The following WRN variants were observed in gnomAD, a reference collection of about 807,000 sequenced individuals.
WRN encodes the protein WRN RecQ like helicase.
In WRN, 149 loss-of-function variants were observed where a neutral mutation model predicts 180.7. The observed-to-expected ratio is 0.82, with a 90% CI of 0.72 to 0.94. The LOEUF is 0.94. Among genes scored for constraint, WRN ranks in the 40% least tolerant of loss-of-function variants. The pLI, the probability that WRN is intolerant of heterozygous loss-of-function variation, is 0.00. For missense variants in WRN, 1,661 were observed against 1,700.1 expected (o/e 0.98, Z 0.40); for synonymous variants, 548 against 568.9 (o/e 0.96, Z 0.52).
rs1257988172 is a variant in WRN at position 31,097,691 on chromosome 8, A to G, written c.1981+841A>G. ...CTACTTGGGAGGCTGAGGTAGGAGG[A>G]TTGTTTGAGCCTGGGAGATGAAGGC... On this transcript the variant is annotated intron_variant, in intron 17 of 34. Coordinates refer to ENST00000298139, the MANE Select transcript of WRN (RefSeq NM_000553.6). Among the ~76,000 whole-genome samples the G allele has an allele frequency of 3.3e-5, 5 of 151,998 alleles. No homozygotes were observed. The South Asian group carries it at 6.2e-4, about 19-fold the overall frequency.
intron 2 of WRN, 148 bp downstream of exon 2, chr8:31,058,691 G>A (rs1361677883): frequency 1.3e-6 from 1 of 765,556 alleles, no homozygotes; most frequent in Non-Finnish European, 2.2e-6. Flanking sequence ...TTGTTGAAAG[G>A]GTAAACTGGA....
rs747317429 is a variant in WRN, at chr8:31,111,718, A to C, written c.2192A>C (p.Asp731Ala). 6.2e-7 allele frequency: 1 copy of C among 1,614,060 alleles called. No individual in the cohort carries two copies. The change falls in exon 19 of 35, where the codon GAT becomes GCT. Residue 731 changes from aspartate to alanine, a missense_variant. By Grantham distance (126) the Asp-to-Ala change is moderately radical. Transcript: ENST00000298139. The stretch of plus-strand genomic sequence containing the variant: ...CCTCAGATCACCTGTACTGGTTTTG[A>C]TCGACCAAACCTGTATTTAGAAGTT... ...RNPQITCTGFDRPNLYLEVRR... is the reference protein window; with the variant it reads ...RNPQITCTGFARPNLYLEVRR...
intron 14 of WRN, 84 bp downstream of exon 14, chr8:31,090,616 C>A: frequency 1.5e-6 from 2 of 1,364,680 alleles, no homozygotes; most frequent in South Asian, 1.2e-5. Flanking sequence ...ATTAAACTCT[C>A]AAAATACAAA....
chr8:31,105,792 C>A (rs1801073080), intron 18 of WRN, among the ~76,000 whole-genome samples: 1 of 152,172 alleles, frequency 6.6e-6, no homozygotes, highest in African/African-American at 2.4e-5. Flanking sequence ...ATACTGAGGA[C>A]TCCCAAATTT....
chr8:31,097,601 C>A (rs988040149), intron 17 of WRN, among the ~76,000 whole-genome samples: 1 of 152,006 alleles, frequency 6.6e-6, no homozygotes, highest in Admixed American at 6.6e-5. Flanking sequence ...ATAGTGAGAC[C>A]TCATCTCTAC....
intron 18 of WRN, 79 bp from the exon 19 acceptor site, chr8:31,111,536 C>T (rs1801314487): frequency 5.9e-6 from 9 of 1,538,406 alleles, no homozygotes; most frequent in African/African-American, 1.4e-5. Context: ...TCCTACCAGT[C>T]TCTTTGTAAG....
intron 27 of WRN, 68 bp from the exon 28 acceptor site, chr8:31,143,479 TTTC>T: frequency 9.4e-7 from 1 of 1,064,632 alleles, no homozygotes; most frequent in Non-Finnish European, 1.4e-6. Flanking sequence ...GAGATTTTTG[TTTC>T]TTATTTTCTT....
At chr8:31,054,514 G>A (rs1381901415) in intron 1 of WRN, among the ~76,000 whole-genome samples, 1 of 152,090 alleles carries the variant, frequency 6.6e-6, no homozygotes, top group Non-Finnish European at 1.5e-5. Context: ...ATGAGCCACT[G>A]TGCCTGGCCA....
intron 19 of WRN, among the ~76,000 whole-genome samples, chr8:31,112,987 C>G (rs1801376038): frequency 6.6e-6 from 1 of 151,850 alleles, no homozygotes; most frequent in African/African-American, 2.4e-5. Flanking sequence ...TGGAGAATCA[C>G]TTGAGGCCAG....
chr8:31,091,170 A>G (rs1450618585), intron 15 of WRN, among the ~76,000 whole-genome samples: 1 of 152,076 alleles, frequency 6.6e-6, no homozygotes, highest in African/African-American at 2.4e-5. Flanking sequence ...TTTTTAAAAA[A>G]CATTATTACT....
chr8:31,076,947 TC>T (rs929619052), intron 8 of WRN, among the ~76,000 whole-genome samples: 1 of 152,206 alleles, frequency 6.6e-6, no homozygotes, highest in Non-Finnish European at 1.5e-5. Context: ...CAGGATGACT[TC>T]CTTATTAAAT....
chr8:31,171,775 C>T (rs1158443666), intron 34 of WRN, among the ~76,000 whole-genome samples: 3 of 152,248 alleles, frequency 2.0e-5, no homozygotes, highest in Non-Finnish European at 4.4e-5. Context: ...TATTTCAAAG[C>T]CTTTTTTAAA....
At chr8:31,079,882 T>C (rs905495349) in intron 8 of WRN, among the ~76,000 whole-genome samples, 2 of 133,874 alleles carry the variant, frequency 1.5e-5, no homozygotes, top group African/African-American at 2.7e-5. Flanking sequence ...ATTTTCTTTC[T>C]TTTTTTTTTT....
At chr8:31,057,548 G>A (rs1418624728) in intron 1 of WRN, among the ~76,000 whole-genome samples, 8 of 151,924 alleles carry the variant, frequency 5.3e-5, no homozygotes, top group Admixed American at 3.3e-4. Flanking sequence ...TCCAGCCTGG[G>A]CGACACAGCA....
Position 31,069,793 on chromosome 8 carries a change from A to G in WRN, c.724+1466A>G, listed in dbSNP as rs1191085446. 1.4e-4 allele frequency among the ~76,000 whole-genome samples: 22 copies of G among 152,186 alleles called. 1 individual carries two copies. The highest frequency in any genetic ancestry group is 1.4e-3 in the Admixed American group (21 of 15,272). Reference sequence around the variant, plus strand: ...TTTAAGCTGATTAGGGAAACAGTATATAAGAACTTACTTAACTCATAATAA... The same window carrying G: ...TTTAAGCTGATTAGGGAAACAGTATGTAAGAACTTACTTAACTCATAATAA... On this transcript the variant is annotated intron_variant, in intron 7 of 34. Coordinates refer to ENST00000298139, the MANE Select transcript of WRN (RefSeq NM_000553.6).
intron 33 of WRN, among the ~76,000 whole-genome samples, chr8:31,164,570 T>C (rs1803774512): frequency 6.6e-6 from 1 of 152,222 alleles, no homozygotes; most frequent in South Asian, 2.1e-4. Context: ...AAAGGAGCTT[T>C]GTACCTTTGT....
chr8:31,089,520 T>G (rs1813659574), intron 13 of WRN, among the ~76,000 whole-genome samples: 2 of 152,052 alleles, frequency 1.3e-5, no homozygotes, highest in African/African-American at 2.4e-5. Flanking sequence ...TCTGAGAATT[T>G]AAAATATAAT....
intron 30 of WRN, among the ~76,000 whole-genome samples, chr8:31,147,857 C>G (rs1369654377): frequency 6.6e-6 from 1 of 151,124 alleles, no homozygotes; most frequent in African/African-American, 2.4e-5. Flanking sequence ...AATATAAAAC[C>G]CCTTCGTCTT....
At chr8:31,132,683 G>C (rs1045702581) in intron 24 of WRN, among the ~76,000 whole-genome samples, 177 bp downstream of exon 24, 3 of 152,156 alleles carry the variant, frequency 2.0e-5, no homozygotes, top group East Asian at 1.9e-4. Flanking sequence ...TAAAACCCGT[G>C]TGTATGGCAT....
Sources: gnomAD v4.1 joint callset for allele counts (sites outside exome capture counted in the v4.1 genomes callset) on GRCh38, gnomAD v4.1.1 for gene constraint, MANE v1.5 for transcripts, NCBI Gene and HGNC (gene_info 2026-07-23, HGNC 2026-07-21) for gene names.